Variants in AKAP6 observed in about 807,000 individuals in gnomAD.
AKAP6 encodes the protein A-kinase anchor protein 6.
In AKAP6, 58 loss-of-function variants were observed where a neutral mutation model predicts 188.5. The observed-to-expected ratio is 0.31, with a 90% CI of 0.25 to 0.38. AKAP6 has a LOEUF of 0.38. Among genes scored for constraint, AKAP6 ranks in the 10% least tolerant of loss-of-function variants. AKAP6 has a pLI of 1.00. For missense variants in AKAP6, 2,710 were observed against 2,740.0 expected (o/e 0.99, Z 0.24); for synonymous variants, 989 against 998.6 (o/e 0.99, Z 0.18).
intron 2 of AKAP6, chr14:32,474,045 G>GCAC (rs1416251433): frequency 1.3e-5 from 2 of 152,352 alleles, no homozygotes; most frequent in East Asian, 3.9e-4. Flanking sequence ...TTACAGGCAT[G>GCAC]CACCACCGTG....
At chr14:32,650,667 A>AC (rs1232463414) in intron 7 of AKAP6, among the ~76,000 whole-genome samples, 1 of 152,116 alleles carries the variant, frequency 6.6e-6, no homozygotes, top group Non-Finnish European at 1.5e-5. Context: ...AATTCATGTC[A>AC]CCTAAAAAAG....
chr14:32,633,830 C>G (rs1465768197), intron 7 of AKAP6, among the ~76,000 whole-genome samples: 1 of 152,046 alleles, frequency 6.6e-6, no homozygotes, highest in East Asian at 1.9e-4. Flanking sequence ...ATGTGTTTCC[C>G]CAACCTCAGC....
Position 32,813,102 on chromosome 14 carries a change from A to C in AKAP6, c.3589-8300A>C, listed in dbSNP as rs368734897. Among the ~76,000 whole-genome samples, 7 of 152,224 alleles carry C rather than the reference A, an allele frequency of 4.6e-5. No homozygotes were observed. In the East Asian group the frequency reaches 1.4e-3, roughly 29 times the overall value. On this transcript the variant is annotated intron_variant, in intron 12 of 13. Transcript: ENST00000280979. ...ACGCAATTTCCCATCCTTCTGACCC[A>C]CGGGCTGTAAATTCCCACAACCCTT...
intron 5 of AKAP6, among the ~76,000 whole-genome samples, chr14:32,594,460 G>A (rs1164098049): frequency 6.6e-6 from 1 of 152,138 alleles, no homozygotes; most frequent in Non-Finnish European, 1.5e-5. Context: ...GTTTTCAGGA[G>A]GTTCTTAAAT....
intron 11 of AKAP6, among the ~76,000 whole-genome samples, chr14:32,758,164 T>C (rs1336711038): frequency 6.6e-6 from 1 of 152,108 alleles, no homozygotes; most frequent in African/African-American, 2.4e-5. Flanking sequence ...TGGTAGAATA[T>C]CCTCACCAAT....
chr14:32,448,481 A>C (rs1047207845), intron 2 of AKAP6, among the ~76,000 whole-genome samples: 1 of 152,236 alleles, frequency 6.6e-6, no homozygotes, highest in Non-Finnish European at 1.5e-5. Context: ...AATCTTTAAA[A>C]TAATATCTGG....
At position 32,552,397 on chromosome 14, in the gene AKAP6, ATCCAGTTGTGGG is replaced by A. The variant is rs538454560; in HGVS notation, c.2346+5399_2346+5410del. On this transcript the variant is annotated intron_variant, in intron 4 of 13. Transcript: ENST00000280979. ...GTTATGAGACAGGAACAAGGAAGAG[ATCCAGTTGTGGG>A]GATCAGAAGGGACAGAAAGAATTCT... is the stretch of plus-strand genomic sequence containing the variant. 1.8e-4 allele frequency among the ~76,000 whole-genome samples: 28 copies of A among 152,328 alleles called. No homozygotes were observed. In the East Asian group the frequency reaches 5.4e-3, roughly 29 times the overall value.
chr14:32,675,646 C>CAGAAAT (rs1217261390), intron 7 of AKAP6, among the ~76,000 whole-genome samples: 3 of 152,116 alleles, frequency 2.0e-5, no homozygotes, highest in African/African-American at 2.4e-5. Flanking sequence ...TCACTGAAAA[C>CAGAAAT]AGAAATAGAA....
In AKAP6 at chr14:32,824,112, G is replaced by A. The variant is rs182849819; in HGVS notation, c.6299G>A (p.Arg2100Gln). Residue 2100 changes from arginine (R) to glutamine (Q), a missense_variant, in exon 13 of 14, where the codon CGG becomes CAG. Around this residue, in one of 2 missense-constraint regions of AKAP6, gnomAD observed 2,473 missense variants for 2,426.1 expected, o/e 1.02. Coordinates refer to ENST00000280979, the MANE Select transcript of AKAP6 (RefSeq NM_004274.5). The part of the protein sequence containing the change: ...IKEKVLEHSH[R>Q]PIQLRKGDFY... ...GAGAAAGTGTTGGAGCATTCTCACC[G>A]GCCCATCCAGCTGAGAAAAGGGGAC... is the stretch of plus-strand genomic sequence containing the variant. The A allele has an allele frequency of 5.0e-6, 8 of 1,613,808 alleles. No homozygotes were observed. Among genetic ancestry groups the A allele is most frequent in the Middle Eastern group, 1.6e-4 (1 of 6,062 alleles).
At chr14:32,592,422 C>T (rs1348780136) in intron 5 of AKAP6, among the ~76,000 whole-genome samples, 2 of 152,140 alleles carry the variant, frequency 1.3e-5, no homozygotes, top group African/African-American at 2.4e-5. Flanking sequence ...GAAGGTCACA[C>T]CTGAGATTAA....
chr14:32,529,818 G>C (rs1882315111), intron 2 of AKAP6, among the ~76,000 whole-genome samples: 1 of 151,824 alleles, frequency 6.6e-6, no homozygotes. Flanking sequence ...AATTTCAAAG[G>C]TTTACTTGTG....
intron 3 of AKAP6, 82 bp downstream of exon 3, chr14:32,535,887 G>A (rs1882652007): frequency 1.3e-6 from 2 of 1,524,730 alleles, no homozygotes; most frequent in Non-Finnish European, 1.8e-6. Context: ...ATGTAGGATA[G>A]GAATTCTTTG....
intron 12 of AKAP6, among the ~76,000 whole-genome samples, chr14:32,786,494 T>TTTTTTA (rs1555362371): frequency 2.0e-5 from 3 of 149,174 alleles, no homozygotes; most frequent in African/African-American, 2.5e-5. Context: ...TTTATTTTAT[T>TTTTTTA]TTTTTATTTT....
At chr14:32,683,871 A>G (rs1415913193) in intron 8 of AKAP6, among the ~76,000 whole-genome samples, 1 of 152,206 alleles carries the variant, frequency 6.6e-6, no homozygotes, top group Non-Finnish European at 1.5e-5. Context: ...CAAATAAGAA[A>G]TAGTCCCTGA....
At chr14:32,341,357 G>A (rs1031129147) in intron 1 of AKAP6, among the ~76,000 whole-genome samples, 1 of 152,046 alleles carries the variant, frequency 6.6e-6, no homozygotes, top group Non-Finnish European at 1.5e-5. Flanking sequence ...TAGGTCAAAC[G>A]GTATGGAATT....
intron 1 of AKAP6, among the ~76,000 whole-genome samples, chr14:32,341,425 C>T (rs968966630): frequency 6.6e-6 from 1 of 152,142 alleles, no homozygotes; most frequent in Non-Finnish European, 1.5e-5. Flanking sequence ...ACTTTGATAA[C>T]AGTTTCCAAT....
chr14:32,518,684 A>G (rs1363330062), intron 2 of AKAP6, among the ~76,000 whole-genome samples: 1 of 152,236 alleles, frequency 6.6e-6, no homozygotes, highest in Non-Finnish European at 1.5e-5. Flanking sequence ...TCCAAGAAAT[A>G]TGGGACTATG....
intron 2 of AKAP6, among the ~76,000 whole-genome samples, chr14:32,459,182 T>C (rs960269571): frequency 3.3e-5 from 5 of 152,068 alleles, no homozygotes; most frequent in Non-Finnish European, 7.4e-5. Flanking sequence ...TGGCAAAACA[T>C]AGGAACAAAA....
chr14:32,373,784 C>G (rs1014480002), intron 1 of AKAP6, among the ~76,000 whole-genome samples: 7 of 152,148 alleles, frequency 4.6e-5, no homozygotes, highest in African/African-American at 1.7e-4. Flanking sequence ...CATAATTTTG[C>G]AAAGGCGGTT....
Sources: allele counts gnomAD v4.1 joint callset (sites outside exome capture counted in the v4.1 genomes callset), GRCh38; gene constraint gnomAD v4.1.1; regional missense constraint gnomAD v4.1.1; transcripts MANE v1.5; gene names NCBI Gene and HGNC (gene_info 2026-07-23, HGNC 2026-07-21).